The following GALNT11 variants were observed in gnomAD, a reference collection of about 807,000 sequenced individuals.
GALNT11 encodes the protein polypeptide N-acetylgalactosaminyltransferase 11.
Under a neutral mutation model 72.7 loss-of-function variants are expected in GALNT11, and 47 were observed. That is an observed-to-expected ratio of 0.65 (90% CI 0.51 to 0.82). GALNT11 has a LOEUF of 0.82. Among genes scored for constraint, GALNT11 ranks in the 40% least tolerant of loss-of-function variants. GALNT11 has a pLI of 0.00. For synonymous variants in GALNT11, 270 were observed against 286.6 expected (o/e 0.94, Z 0.58); for missense variants, 677 against 778.4 (o/e 0.87, Z 1.55).
chr7:152,102,144 C>T (rs960548684), intron 3 of GALNT11, among the ~76,000 whole-genome samples: 1 of 152,130 alleles, frequency 6.6e-6, no homozygotes, highest in Non-Finnish European at 1.5e-5. Flanking sequence ...AGCTGGACAT[C>T]AGCTCATGAG....
At chr7:152,051,886 G>T (rs1038005133) in intron 1 of GALNT11, among the ~76,000 whole-genome samples, 2 of 152,018 alleles carry the variant, frequency 1.3e-5, no homozygotes, top group East Asian at 1.9e-4. Flanking sequence ...GCTTTTTGTT[G>T]TGGTAAAATA....
intron 1 of GALNT11, among the ~76,000 whole-genome samples, chr7:152,032,895 A>G (rs1451301877): frequency 6.6e-6 from 1 of 152,194 alleles, no homozygotes; most frequent in African/African-American, 2.4e-5. Context: ...TCCCAATTAC[A>G]ACTGAGAAGG....
At chr7:152,028,865 G>C (rs556909795) in intron 1 of GALNT11, among the ~76,000 whole-genome samples, 1 of 152,186 alleles carries the variant, frequency 6.6e-6, no homozygotes, top group Non-Finnish European at 1.5e-5. Context: ...GTTTAGTTGA[G>C]CTCATTTGGA....
At chr7:152,067,300 T>G (rs2129005335) in intron 1 of GALNT11, among the ~76,000 whole-genome samples, 1 of 152,286 alleles carries the variant, frequency 6.6e-6, no homozygotes, top group South Asian at 2.1e-4. Flanking sequence ...CCACCCTCCC[T>G]TCTTGTACTG....
chr7:152,059,638 T>G (rs1169170870), intron 1 of GALNT11, among the ~76,000 whole-genome samples: 6 of 152,060 alleles, frequency 3.9e-5, no homozygotes, highest in African/African-American at 1.2e-4. Flanking sequence ...TCCATGAGAG[T>G]TTTGGGGTGA....
At chr7:152,088,427 T>C (rs911441991) in intron 1 of GALNT11, among the ~76,000 whole-genome samples, 7 of 152,096 alleles carry the variant, frequency 4.6e-5, no homozygotes, top group Admixed American at 6.5e-5. Context: ...GATTATGGTT[T>C]TTCAAATATT....
chr7:152,102,432 C>T (rs2087027735), intron 3 of GALNT11, among the ~76,000 whole-genome samples: 1 of 152,018 alleles, frequency 6.6e-6, no homozygotes, highest in Non-Finnish European at 1.5e-5. Flanking sequence ...ATCCCAGCTA[C>T]TCAGGAGGTT....
At chr7:152,085,308 A>G (rs190817919) in intron 1 of GALNT11, among the ~76,000 whole-genome samples, 79 of 152,324 alleles carry the variant, frequency 5.2e-4, no homozygotes, top group African/African-American at 1.6e-3. Context: ...AATAAATTCA[A>G]GTTCACAACT....
intron 1 of GALNT11, among the ~76,000 whole-genome samples, chr7:152,039,396 C>A (rs2082738872): frequency 6.6e-6 from 1 of 152,088 alleles, no homozygotes; most frequent in South Asian, 2.1e-4. Context: ...AGAGTGATTG[C>A]ATCCAGGCAT....
At chr7:152,104,084 G>T (rs1010733217) in intron 4 of GALNT11, 1 of 152,218 alleles carries the variant, frequency 6.6e-6, no homozygotes, top group Non-Finnish European at 1.5e-5. Context: ...ATGGCTTTGT[G>T]TACCCAAACA....
chr7:152,033,230 G>T (rs1218109664), intron 1 of GALNT11, among the ~76,000 whole-genome samples: 2 of 152,308 alleles, frequency 1.3e-5, no homozygotes, highest in East Asian at 3.9e-4. Context: ...GGGGTGGCTT[G>T]TTTCTCGTTG....
At chr7:152,106,652 C>T (rs1587408965) in intron 5 of GALNT11, among the ~76,000 whole-genome samples, 3 of 152,242 alleles carry the variant, frequency 2.0e-5, no homozygotes, top group African/African-American at 7.2e-5. Context: ...TGTACTGTTA[C>T]AATGCAAGTT....
chr7:152,118,816 C>T (rs753993074), intron 10 of GALNT11, 34 bp downstream of exon 10: 10 of 1,551,350 alleles, frequency 6.4e-6, no homozygotes, highest in South Asian at 3.5e-5. Context: ...AGCCAGTGTC[C>T]GCAAGGAGGC....
intron 1 of GALNT11, among the ~76,000 whole-genome samples, chr7:152,057,507 A>G (rs2083753181): frequency 1.3e-5 from 2 of 151,830 alleles, no homozygotes; most frequent in African/African-American, 4.8e-5. Context: ...GGGTTTCACC[A>G]TGTTGGCCAG....
At chr7:152,115,452 G>A (rs1423040976) in intron 8 of GALNT11, among the ~76,000 whole-genome samples, 1 of 152,174 alleles carries the variant, frequency 6.6e-6, no homozygotes, top group Non-Finnish European at 1.5e-5. Context: ...TCCTGTGTGA[G>A]TATGCGTGCT....
intron 1 of GALNT11, among the ~76,000 whole-genome samples, chr7:152,053,609 C>A (rs2083502427): frequency 1.3e-5 from 2 of 152,148 alleles, no homozygotes; most frequent in African/African-American, 4.8e-5. Flanking sequence ...TTTATTATTT[C>A]TTTACGATTT....
chr7:152,103,369 T>C (rs918038889), intron 4 of GALNT11, 91 bp downstream of exon 4: 3 of 1,358,146 alleles, frequency 2.2e-6, no homozygotes, highest in Non-Finnish European at 3.0e-6. Context: ...TTCAAGTACG[T>C]GGTAGGTGGG....
intron 1 of GALNT11, among the ~76,000 whole-genome samples, chr7:152,052,656 A>G (rs10245259): frequency 0.076 from 11,558 of 152,146 alleles, 1,511 homozygotes; most frequent in African/African-American, 0.26. Context: ...TCTGCTTTGT[A>G]ATCCTTCTCA....
At chr7:152,095,333 TAAAG>T (rs934263146) in intron 2 of GALNT11, among the ~76,000 whole-genome samples, 8 of 152,132 alleles carry the variant, frequency 5.3e-5, no homozygotes, top group African/African-American at 1.4e-4. Flanking sequence ...CATTAAAACT[TAAAG>T]AACTTGGATC....
Sources: allele counts gnomAD v4.1 joint callset (sites outside exome capture counted in the v4.1 genomes callset), GRCh38; gene constraint gnomAD v4.1.1; transcripts MANE v1.5; gene names NCBI Gene and HGNC (gene_info 2026-07-23, HGNC 2026-07-21).